Variants in SYTL3 observed in about 807,000 individuals in gnomAD.
SYTL3 encodes synaptotagmin-like protein 3.
SYTL3 carries 88 observed loss-of-function variants against 82.1 expected under a neutral mutation model. The ratio of observed to expected loss-of-function variants is 1.07; its 90% confidence interval spans 0.90 to 1.28. The LOEUF (loss-of-function observed/expected upper bound fraction) is 1.28, where lower values mean the gene tolerates loss of function less well. SYTL3 is among the 50% of genes most tolerant of loss of function. The probability of loss-of-function intolerance (pLI) is 0.00; values close to 1 mark genes in which losing one functional copy is unlikely to be tolerated. For missense variants in SYTL3, 831 were observed against 757.6 expected, an observed-to-expected ratio of 1.10 and a Z score of -1.14; for synonymous variants, 311 against 289.4, an observed-to-expected ratio of 1.07 and a Z score of -0.76.
At chr6:158,705,480 AGG>A (rs1562400365) in intron 6 of SYTL3, among the ~76,000 whole-genome samples, 23 of 103,640 alleles carry the variant, frequency 2.2e-4, no homozygotes, top group Admixed American at 5.6e-4. Flanking sequence ...ACCTGGGGAC[AGG>A]GTGACAGGGC....
chr6:158,745,679 T>G, intron 12 of SYTL3, 21 bp downstream of exon 12: 2 of 1,565,520 alleles, frequency 1.3e-6, no homozygotes, highest in Non-Finnish European at 1.7e-6. Flanking sequence ...TTTTTTAAGT[T>G]TAACATGAGA....
chr6:158,702,694 G>A (rs1012590392), intron 6 of SYTL3, among the ~76,000 whole-genome samples: 13 of 151,986 alleles, frequency 8.6e-5, no homozygotes, highest in Admixed American at 3.9e-4. Context: ...GACTATCCCC[G>A]TTTTGGTCTT....
In SYTL3 at chr6:158,736,710, C is replaced by T. The variant is rs541540218; in HGVS notation, c.856-8770C>T. On this transcript the variant is annotated intron_variant, in intron 11 of 17. Coordinates refer to ENST00000611299, the MANE Select transcript of SYTL3 (RefSeq NM_001242394.2). ...GGCTGAGGCAGGAGAAATGCTTGAA[C>T]CTGGGAAGTAGAGGTGGCAGTGAGC... Among the ~76,000 whole-genome samples the T allele has an allele frequency of 4.0e-5, 6 of 151,256 alleles. No homozygotes were observed. In the South Asian group the frequency reaches 1.3e-3, roughly 32 times the overall value.
At chr6:158,743,974 A>G (rs1170359920) in intron 11 of SYTL3, among the ~76,000 whole-genome samples, 2 of 152,100 alleles carry the variant, frequency 1.3e-5, no homozygotes, top group Non-Finnish European at 2.9e-5. Flanking sequence ...GCTGGAGTGC[A>G]GTGGTACAAT....
intron 11 of SYTL3, among the ~76,000 whole-genome samples, chr6:158,740,891 A>G (rs1285485500): frequency 2.6e-5 from 4 of 152,290 alleles, no homozygotes; most frequent in Non-Finnish European, 1.5e-5. Context: ...CCTGTACCAT[A>G]AAAATCTGTG....
intron 12 of SYTL3, among the ~76,000 whole-genome samples, chr6:158,748,845 G>GA (rs11361662): frequency 0.031 from 4,272 of 138,148 alleles, 73 homozygotes; most frequent in South Asian, 0.046. Flanking sequence ...AACTCCGCCT[G>GA]AAAAAAAAAA....
chr6:158,673,858 C>T (rs1336195517), intron 5 of SYTL3, among the ~76,000 whole-genome samples: 7 of 150,854 alleles, frequency 4.6e-5, no homozygotes, highest in Admixed American at 6.6e-5. Flanking sequence ...CCGAGCTGGG[C>T]GGATCACTTG....
chr6:158,760,860 T>A, intron 15 of SYTL3, 115 bp downstream of exon 15: 3 of 771,056 alleles, frequency 3.9e-6, no homozygotes, highest in Admixed American at 2.1e-5. Context: ...TACGTCCCCG[T>A]GCCCAGCTCC....
rs34189391 is a variant in SYTL3, at chr6:158,722,762, G to GTT, written c.721-2716_721-2715dup. On this transcript the variant is annotated intron_variant, in intron 10 of 17. Transcript: ENST00000611299. Reference sequence around the variant, plus strand: ...AGGAAAAAGATTTTCTCTCTTTTCTGTTTTTTTTTTTTTTTTTTTTTTTTT... The same window carrying GTT: ...AGGAAAAAGATTTTCTCTCTTTTCTGTTTTTTTTTTTTTTTTTTTTTTTTTTT... Among the ~76,000 whole-genome samples, 212 of 80,876 alleles carry GTT rather than the reference G, an allele frequency of 2.6e-3. 22 individuals carry two copies. The highest frequency in any genetic ancestry group is 6.1e-3 in the African/African-American group (112 of 18,486). 53.1% of individuals were successfully genotyped at this position (80,876 alleles called of 152,430 possible). A position where few individuals can be genotyped will look rare whatever the true frequency, so the allele number is the denominator to read the frequency against.
At chr6:158,671,804 T>G (rs1323571538) in intron 5 of SYTL3, among the ~76,000 whole-genome samples, 1 of 152,024 alleles carries the variant, frequency 6.6e-6, no homozygotes, top group Non-Finnish European at 1.5e-5. Context: ...ATTTTTATAA[T>G]TATTATCTAT....
intron 14 of SYTL3, among the ~76,000 whole-genome samples, chr6:158,758,958 C>G (rs143853759): frequency 1.6e-3 from 248 of 152,308 alleles, no homozygotes; most frequent in African/African-American, 5.9e-3. Flanking sequence ...CCATGCCTTC[C>G]GTGCCTTCCT....
intron 12 of SYTL3, among the ~76,000 whole-genome samples, chr6:158,746,534 C>T (rs2054801): frequency 0.32 from 47,776 of 149,478 alleles, 8,153 homozygotes; most frequent in African/African-American, 0.42. Context: ...GGCGCAATCT[C>T]GGCTCACTGC....
intron 6 of SYTL3, among the ~76,000 whole-genome samples, chr6:158,689,108 C>T (rs1779588131): frequency 1.3e-5 from 2 of 152,144 alleles, no homozygotes; most frequent in South Asian, 4.1e-4. Context: ...TTCCAGCTTT[C>T]TGTTGCATTT....
In SYTL3 at chr6:158,745,593, A is replaced by G; in HGVS notation, c.969A>G (p.Leu323=). 3 of 1,613,880 alleles carry G rather than the reference A, an allele frequency of 1.9e-6. No homozygotes were observed. Among genetic ancestry groups the G allele is most frequent in the Non-Finnish European group, 2.5e-6 (3 of 1,179,944 alleles). The change falls in exon 12 of 18, where the codon TTA becomes TTG. Residue 323 remains leucine (L), a synonymous_variant. Transcript: ENST00000611299. ...AIHYCFKTHS[L]EICIKACKNL... ...ATTATTGCTTCAAAACCCATTCTTTAGAAATATGCATCAAGGCCTGTAAGA... is the reference window on the plus strand; with the variant it reads ...ATTATTGCTTCAAAACCCATTCTTTGGAAATATGCATCAAGGCCTGTAAGA...
At chr6:158,738,240 T>G (rs912971708) in intron 11 of SYTL3, among the ~76,000 whole-genome samples, 1 of 152,164 alleles carries the variant, frequency 6.6e-6, no homozygotes, top group African/African-American at 2.4e-5. Flanking sequence ...TTTGCCTGAT[T>G]AACACAGTTT....
At chr6:158,751,847 T>C in intron 12 of SYTL3, 81 bp from the exon 13 acceptor site, 1 of 1,051,582 alleles carries the variant, frequency 9.5e-7, no homozygotes. Flanking sequence ...CGCTGGCATG[T>C]GGGTTCTCTG....
rs749307666 is a variant in SYTL3 at position 158,757,244 on chromosome 6, C to G, written c.1171C>G (p.Gln391Glu). Reference protein sequence around the residue: ...QVAPAQLVTRQLQVSVWHLGT... With the variant: ...QVAPAQLVTRELQVSVWHLGT... ...GGCCCCTGCCCAGCTGGTGACCCGG[C>G]AGCTGCAGGTCTCGGTGTGGCATCT... Residue 391 changes from glutamine (Q) to glutamate (E), a missense_variant, in exon 14 of 18, where the codon CAG becomes GAG. Coordinates refer to ENST00000611299, the MANE Select transcript of SYTL3 (RefSeq NM_001242394.2). 6.2e-7 allele frequency: 1 copy of G among 1,611,750 alleles called. No homozygotes were observed. Among genetic ancestry groups the G allele is most frequent in the Non-Finnish European group, 8.5e-7 (1 of 1,179,886 alleles).
At chr6:158,727,858 C>A (rs1431421569) in intron 11 of SYTL3, among the ~76,000 whole-genome samples, 4 of 151,996 alleles carry the variant, frequency 2.6e-5, no homozygotes, top group Non-Finnish European at 4.4e-5. Flanking sequence ...CCCAACTACT[C>A]TTGATATGTG....
intron 10 of SYTL3, among the ~76,000 whole-genome samples, chr6:158,722,593 C>A (rs1295495253): frequency 6.6e-6 from 1 of 152,018 alleles, no homozygotes; most frequent in Non-Finnish European, 1.5e-5. Context: ...TCTGTGCATT[C>A]CACTGGGATT....
Sources: allele counts gnomAD v4.1 joint callset (sites outside exome capture counted in the v4.1 genomes callset), GRCh38; gene constraint gnomAD v4.1.1; transcripts MANE v1.5; gene names NCBI Gene and HGNC (gene_info 2026-07-23, HGNC 2026-07-21).